FBXL7: variants seen among roughly 807,000 people sequenced by gnomAD.
The protein encoded by FBXL7 is F-box/LRR-repeat protein 7.
Under a neutral mutation model 38.3 loss-of-function variants are expected in FBXL7, and 12 were observed. The ratio of observed to expected loss-of-function variants is 0.31; its 90% confidence interval spans 0.20 to 0.51. The LOEUF (loss-of-function observed/expected upper bound fraction) is 0.51, where lower values mean the gene tolerates loss of function less well. FBXL7 is among the 20% of genes least tolerant of loss of function. FBXL7 has a pLI of 0.98. For synonymous variants in FBXL7, 297 were observed against 300.9 expected (o/e 0.99, Z 0.13); for missense variants, 567 against 676.4 (o/e 0.84, Z 1.79).
chr5:15,800,903 C>T (rs1256182140), intron 2 of FBXL7, among the ~76,000 whole-genome samples: 1 of 152,108 alleles, frequency 6.6e-6, no homozygotes, highest in African/African-American at 2.4e-5. Context: ...CAGGATTCTC[C>T]AGAGAAACAG....
intron 1 of FBXL7, among the ~76,000 whole-genome samples, chr5:15,520,755 G>A (rs1737073666): frequency 6.6e-6 from 1 of 152,108 alleles, no homozygotes; most frequent in African/African-American, 2.4e-5. Flanking sequence ...TACCAGTTAT[G>A]TTTTTTCTGT....
chr5:15,859,194 A>G (rs1739366665), intron 2 of FBXL7, among the ~76,000 whole-genome samples: 2 of 152,156 alleles, frequency 1.3e-5, no homozygotes, highest in Admixed American at 1.3e-4. Context: ...ATTGGAGCCA[A>G]GAGAGAAAGT....
intron 2 of FBXL7, among the ~76,000 whole-genome samples, chr5:15,710,427 T>G (rs1346212090): frequency 6.6e-6 from 1 of 152,176 alleles, no homozygotes; most frequent in African/African-American, 2.4e-5. Flanking sequence ...ATCTCATACA[T>G]TTAGGTCTGT....
chr5:15,819,045 A>G (rs1473930673), intron 2 of FBXL7, among the ~76,000 whole-genome samples: 1 of 152,182 alleles, frequency 6.6e-6, no homozygotes, highest in African/African-American at 2.4e-5. Flanking sequence ...AGGGAAGCCA[A>G]TTAGCTAAGG....
intron 2 of FBXL7, among the ~76,000 whole-genome samples, chr5:15,786,309 A>G (rs1178423204): frequency 1.3e-5 from 2 of 152,176 alleles, no homozygotes; most frequent in Non-Finnish European, 2.9e-5. Context: ...GAACAAAATA[A>G]AAGTGAAATA....
chr5:15,502,230 C>A (rs568073555), intron 1 of FBXL7, among the ~76,000 whole-genome samples: 1 of 152,180 alleles, frequency 6.6e-6, no homozygotes, highest in South Asian at 2.1e-4. Flanking sequence ...GCTATGAGTT[C>A]TTTCTTGAAC....
intron 2 of FBXL7, among the ~76,000 whole-genome samples, chr5:15,668,593 T>A (rs900040012): frequency 6.6e-6 from 1 of 152,108 alleles, no homozygotes; most frequent in Admixed American, 6.6e-5. Context: ...GATGGCTGGA[T>A]CTTGAGCAGC....
At chr5:15,866,558 A>G (rs1381193341) in intron 2 of FBXL7, among the ~76,000 whole-genome samples, 1 of 152,142 alleles carries the variant, frequency 6.6e-6, no homozygotes, top group Non-Finnish European at 1.5e-5. Context: ...TCTTCTAAAA[A>G]AAAATGGGAT....
intron 2 of FBXL7, among the ~76,000 whole-genome samples, chr5:15,877,073 C>G (rs1579557104): frequency 6.6e-6 from 1 of 152,190 alleles, no homozygotes; most frequent in Non-Finnish European, 1.5e-5. Flanking sequence ...TGGCTTGTAT[C>G]TGATCACATA....
intron 2 of FBXL7, among the ~76,000 whole-genome samples, chr5:15,859,121 G>C (rs10474718): frequency 0.035 from 5,356 of 152,222 alleles, 321 homozygotes; most frequent in African/African-American, 0.12. Flanking sequence ...TGAAGTAGAT[G>C]ATGCAGTGAT....
At chr5:15,650,722 G>A (rs1741680225) in intron 2 of FBXL7, among the ~76,000 whole-genome samples, 4 of 152,184 alleles carry the variant, frequency 2.6e-5, no homozygotes, top group Admixed American at 2.6e-4. Context: ...CTTTTCACCA[G>A]GAGTAAATTC....
intron 2 of FBXL7, among the ~76,000 whole-genome samples, chr5:15,660,404 T>G (rs977907487): frequency 2.0e-5 from 3 of 152,262 alleles, no homozygotes; most frequent in Non-Finnish European, 4.4e-5. Context: ...TTGCCCAGGC[T>G]GGAGTGCAAT....
At chr5:15,572,371 T>A (rs1166896902) in intron 1 of FBXL7, among the ~76,000 whole-genome samples, 1 of 140,208 alleles carries the variant, frequency 7.1e-6, no homozygotes, top group Admixed American at 7.4e-5. Context: ...AGCAGAAACA[T>A]CCATCTGGTT....
chr5:15,753,194 A>G (rs1259886713), intron 2 of FBXL7, among the ~76,000 whole-genome samples: 2 of 152,002 alleles, frequency 1.3e-5, no homozygotes, highest in Non-Finnish European at 2.9e-5. Flanking sequence ...TTTTCCCCGT[A>G]TAGTGCTTGT....
intron 2 of FBXL7, among the ~76,000 whole-genome samples, chr5:15,705,266 T>C (rs914153831): frequency 6.6e-6 from 1 of 152,242 alleles, no homozygotes; most frequent in African/African-American, 2.4e-5. Flanking sequence ...CAGGGATTTA[T>C]CTTTGTTTAC....
At chr5:15,561,729 C>T (rs1184196942) in intron 1 of FBXL7, among the ~76,000 whole-genome samples, 1 of 152,038 alleles carries the variant, frequency 6.6e-6, no homozygotes, top group Non-Finnish European at 1.5e-5. Flanking sequence ...ACACTTATAC[C>T]TTTTTGATAA....
chr5:15,606,629 G>A (rs1740034685), intron 1 of FBXL7: 1 of 152,252 alleles, frequency 6.6e-6, no homozygotes. Flanking sequence ...GACATTCAGT[G>A]GCTTGAAAGG....
chr5:15,802,656 CT>C (rs796900921), intron 2 of FBXL7, among the ~76,000 whole-genome samples: 6,543 of 143,916 alleles, frequency 0.045, 380 homozygotes, highest in African/African-American at 0.14. Flanking sequence ...CCACATCATC[CT>C]TTTTTTTTTT....
At chr5:15,837,090 CA>C (rs1738610867) in intron 2 of FBXL7, among the ~76,000 whole-genome samples, 1 of 152,158 alleles carries the variant, frequency 6.6e-6, no homozygotes, top group South Asian at 2.1e-4. Context: ...TAATCTATGA[CA>C]GCAAGATCCC....
Sources: allele counts gnomAD v4.1 joint callset (sites outside exome capture counted in the v4.1 genomes callset), GRCh38; gene constraint gnomAD v4.1.1; transcripts MANE v1.5; gene names NCBI Gene and HGNC (gene_info 2026-07-23, HGNC 2026-07-21).